The following TAOK3 variants were observed in gnomAD, a reference collection of about 807,000 sequenced individuals.
TAOK3 encodes serine/threonine-protein kinase TAO3.
A neutral mutation model predicts 120.4 loss-of-function variants in TAOK3; 40 were observed. The ratio of observed to expected loss-of-function variants is 0.33; its 90% confidence interval spans 0.26 to 0.43. TAOK3 has a LOEUF of 0.43. Ranked by LOEUF, TAOK3 falls within the 20% of genes least tolerant of loss-of-function variation. The pLI is 1.00. For synonymous variants in TAOK3, 355 were observed against 387.5 expected (o/e 0.92, Z 0.99); for missense variants, 821 against 1,112.1 (o/e 0.74, Z 3.72).
rs60475060 is a variant in TAOK3 at position 118,363,018 on chromosome 12, C to CAA, written c.-194+9628_-194+9629dup. Among the ~76,000 whole-genome samples, 451 of 45,878 alleles carry CAA rather than the reference C, an allele frequency of 9.8e-3. 34 individuals are homozygous for CAA. Among genetic ancestry groups the CAA allele is most frequent in the Middle Eastern group, 0.029 (1 of 34 alleles). 30.1% of individuals were successfully genotyped at this position (45,878 alleles called of 152,430 possible). ...TGGGCAACAGAGAAAGACTCCGTAT[C>CAA]AAAAAAAAAAAAAAAAAAAAAAAAA... is the stretch of plus-strand genomic sequence containing the variant. On this transcript the variant is annotated intron_variant, in intron 1 of 20. Coordinates refer to ENST00000392533, the MANE Select transcript of TAOK3 (RefSeq NM_016281.4).
chr12:118,321,615 A>T (rs1167806263), intron 1 of TAOK3, among the ~76,000 whole-genome samples: 3 of 152,196 alleles, frequency 2.0e-5, no homozygotes, highest in Non-Finnish European at 4.4e-5. Flanking sequence ...TTCGACTCAT[A>T]ATTAAAATAT....
intron 13 of TAOK3, among the ~76,000 whole-genome samples, chr12:118,190,914 G>A (rs543276174): frequency 2.6e-5 from 4 of 152,186 alleles, no homozygotes; most frequent in Admixed American, 6.5e-5. Context: ...AAAAAAGGAC[G>A]CTATAGTAAT....
intron 8 of TAOK3, among the ~76,000 whole-genome samples, chr12:118,234,446 A>C (rs1593248128): frequency 1.3e-5 from 2 of 151,858 alleles, no homozygotes; most frequent in Admixed American, 6.6e-5. Flanking sequence ...CGGTTTCACC[A>C]TGTTAGCCAG....
At chr12:118,277,421 G>A (rs2041940335) in intron 1 of TAOK3, among the ~76,000 whole-genome samples, 1 of 151,770 alleles carries the variant, frequency 6.6e-6, no homozygotes, top group African/African-American at 2.4e-5. Context: ...GCAACCCATA[G>A]GACTCTTTAG....
In TAOK3 at chr12:118,199,176, T is replaced by C; in HGVS notation, c.1069A>G (p.Thr357Ala). Residue 357 changes from threonine to alanine, a missense_variant, in exon 13 of 21, where the codon ACA becomes GCA. Thr to Ala is a moderately conservative substitution (Grantham distance 58). Transcript: ENST00000392533. ...TTCACACTGCTGCTCTGGCTGCCTG[T>C]GCTCACGGACATGCTTGGAATGGAA... ...NHSIPSMSVS[T>A]GSQSSSVNSM... 6.2e-7 allele frequency: 1 copy of C among 1,614,194 alleles called. No homozygotes were observed. The highest frequency in any genetic ancestry group is 2.2e-5 in the East Asian group (1 of 44,888).
intron 1 of TAOK3, among the ~76,000 whole-genome samples, chr12:118,333,596 T>A (rs772889693): frequency 4.6e-5 from 7 of 151,070 alleles, no homozygotes; most frequent in African/African-American, 7.3e-5. Flanking sequence ...AAGAGCAACA[T>A]AACCCAAAGT....
intron 1 of TAOK3, among the ~76,000 whole-genome samples, chr12:118,354,011 C>T (rs1402681768): frequency 6.6e-6 from 1 of 152,034 alleles, no homozygotes; most frequent in Non-Finnish European, 1.5e-5. Flanking sequence ...ATTTTCAATA[C>T]GTCAACAAAG....
chr12:118,156,379 A>C (rs1178992847), intron 19 of TAOK3, among the ~76,000 whole-genome samples: 1 of 152,032 alleles, frequency 6.6e-6, no homozygotes, highest in Non-Finnish European at 1.5e-5. Flanking sequence ...CTCTCTGACT[A>C]TTCCCTTTCC....
rs762216699 is a variant in TAOK3 at position 118,160,115 on chromosome 12, C to A, written c.2352+31G>T. 1.9e-6 allele frequency: 3 copies of A among 1,546,034 alleles called. No homozygotes were observed. The highest frequency in any genetic ancestry group is 2.7e-6 in the Non-Finnish European group (3 of 1,118,528). On this transcript the variant is annotated intron_variant, in intron 19 of 20. Coordinates refer to ENST00000392533, the MANE Select transcript of TAOK3 (RefSeq NM_016281.4). This position sits in a 1 kb window ranked among gnomAD's most constrained non-coding sequence, Gnocchi z 4.2. ...GGATTTTCTTGATTCCCAAAGCTCT[C>A]GAAGCCGTGGCACCAAACCTAACCA...
intron 4 of TAOK3, among the ~76,000 whole-genome samples, chr12:118,244,533 CTT>C (rs71069434): frequency 8.1e-6 from 1 of 123,950 alleles, no homozygotes. Flanking sequence ...TTTTCTTTTT[CTT>C]TTTTTTTTTT....
rs932477750 is a variant in TAOK3 at position 118,207,360 on chromosome 12, C to T, written c.819+5554G>A. On this transcript the variant is annotated intron_variant, in intron 11 of 20. Coordinates refer to ENST00000392533, the MANE Select transcript of TAOK3 (RefSeq NM_016281.4). Reference sequence around the variant, plus strand: ...AAAAAAAAAAAGAAAGAAAATCACCCGAAATTCTACCATCTCGAAATAAAT... The same window carrying T: ...AAAAAAAAAAAGAAAGAAAATCACCTGAAATTCTACCATCTCGAAATAAAT... Among the ~76,000 whole-genome samples the T allele has an allele frequency of 4.6e-5, 7 of 151,498 alleles. No homozygotes were observed. In the East Asian group the frequency reaches 5.8e-4, roughly 13 times the overall value.
chr12:118,225,365 T>C (rs1370766198), intron 9 of TAOK3, among the ~76,000 whole-genome samples: 1 of 151,568 alleles, frequency 6.6e-6, no homozygotes, highest in Non-Finnish European at 1.5e-5. Flanking sequence ...AGGGAATATT[T>C]GAAACAGTTT....
chr12:118,172,797 C>T, intron 16 of TAOK3, 137 bp from the exon 17 acceptor site: 1 of 744,756 alleles, frequency 1.3e-6, no homozygotes, highest in Non-Finnish European at 2.2e-6. Flanking sequence ...GCACATCCTT[C>T]CCCCAATTTT....
intron 1 of TAOK3, among the ~76,000 whole-genome samples, chr12:118,361,486 CT>C (rs1202437655): frequency 3.4e-5 from 5 of 149,026 alleles, no homozygotes; most frequent in African/African-American, 1.2e-4. Context: ...GAGATGGAGT[CT>C]GACTCTGTCA....
chr12:118,320,407 C>T (rs1336137433), intron 1 of TAOK3, among the ~76,000 whole-genome samples: 5 of 151,182 alleles, frequency 3.3e-5, no homozygotes, highest in East Asian at 1.9e-4. Flanking sequence ...GCCTGGACAA[C>T]GTAGCAAGAC....
At chr12:118,236,376 T>C (rs1247374719) in intron 7 of TAOK3, 1 of 152,226 alleles carries the variant, frequency 6.6e-6, no homozygotes, top group Admixed American at 6.5e-5. Flanking sequence ...TGGTTACTAC[T>C]AAAGCTAATA....
intron 1 of TAOK3, among the ~76,000 whole-genome samples, chr12:118,339,679 C>T (rs1351708588): frequency 1.3e-5 from 2 of 151,910 alleles, no homozygotes; most frequent in Non-Finnish European, 2.9e-5. Context: ...GATTCTGCCT[C>T]AGCCTCCCGA....
rs892361028 is a variant in TAOK3, at chr12:118,234,550, T to TTTG, written c.552-788_552-786dup. Among the ~76,000 whole-genome samples, 14 of 152,208 alleles carry TTTG rather than the reference T, an allele frequency of 9.2e-5. No individual in the cohort carries two copies. The Middle Eastern group carries it at 0.01, about 111-fold the overall frequency. Reference sequence around the variant, plus strand: ...TGAGCCACCGCGCCTGGAGTCTTTTTTTGTTGTTGTTGTTGAGAGTCTTAC... The same window carrying TTTG: ...TGAGCCACCGCGCCTGGAGTCTTTTTTTGTTGTTGTTGTTGTTGAGAGTCTTAC... On this transcript the variant is annotated intron_variant, in intron 8 of 20. Transcript: ENST00000392533.
intron 3 of TAOK3, chr12:118,246,111 G>C: frequency 7.4e-7 from 1 of 1,349,652 alleles, no homozygotes; most frequent in Non-Finnish European, 1.0e-6. Context: ...TGCAGCGGGG[G>C]GGCACGGAGG....
Sources: allele counts gnomAD v4.1 joint callset (sites outside exome capture counted in the v4.1 genomes callset), GRCh38; gene constraint gnomAD v4.1.1; non-coding constraint Gnocchi (gnomAD v3.1); transcripts MANE v1.5; gene names NCBI Gene and HGNC (gene_info 2026-07-23, HGNC 2026-07-21).